Variants in DCHS1 observed in about 807,000 individuals in gnomAD.
DCHS1 encodes protocadherin-16.
DCHS1 carries 78 observed loss-of-function variants against 213.9 expected under a neutral mutation model. The ratio of observed to expected loss-of-function variants is 0.36; its 90% CI spans 0.30 to 0.44. The LOEUF (loss-of-function observed/expected upper bound fraction) is 0.44. Ranked by LOEUF, DCHS1 falls within the 20% of genes least tolerant of loss-of-function variation. The probability of loss-of-function intolerance (pLI) is 1.00; values close to 1 mark genes in which losing one functional copy is unlikely to be tolerated. For missense variants in DCHS1, 3,946 were observed against 4,395.9 expected (o/e 0.90, Z 2.89); for synonymous variants, 1,828 against 1,873.7 (o/e 0.98, Z 0.63).
In DCHS1 at chr11:6,632,704, C is replaced by T. The variant is rs1171491674; in HGVS notation, c.2808G>A (p.Gly936=). 2 of 1,593,060 alleles carry T rather than the reference C, an allele frequency of 1.3e-6. No individual in the cohort carries two copies. Among genetic ancestry groups the T allele is most frequent in the Non-Finnish European group, 1.7e-6 (2 of 1,169,480 alleles). The change falls in exon 6 of 21, where the codon GGG becomes GGA. Residue 936 remains glycine (G), a synonymous_variant. Transcript: ENST00000299441. The surrounding 1 kb of genome is among the most constrained non-coding windows in gnomAD (Gnocchi z 5.9). ...NSRVTFTLLA[G]GGGAFTVDPT... ...GGTCCACGGTGAAGGCTCCACCACCCCCAGCAAGCAGGGTAAAGGTGACTC... is the reference window on the plus strand; with the variant it reads ...GGTCCACGGTGAAGGCTCCACCACCTCCAGCAAGCAGGGTAAAGGTGACTC...
chr11:6,631,963 C>A, intron 6 of DCHS1, 68 bp downstream of exon 6: 1 of 1,470,732 alleles, frequency 6.8e-7, no homozygotes, highest in South Asian at 1.4e-5. Context: ...GGTTGGGGAT[C>A]CTGTCTGAAT....
Position 6,626,224 on chromosome 11 carries a change from G to C in DCHS1, c.6521C>G (p.Pro2174Arg). Residue 2174 changes from proline to arginine, a missense_variant, in exon 16 of 21, where the codon CCC (proline) becomes CGC (arginine). By Grantham distance (103) the Pro-to-Arg change is moderately radical. Coordinates refer to ENST00000299441, the MANE Select transcript of DCHS1 (RefSeq NM_003737.4). The surrounding 1 kb of genome is among the most constrained non-coding windows in gnomAD (Gnocchi z 5.2). ...ANDNAPRFLR[P>R]HYVAFLPESR... The stretch of plus-strand genomic sequence containing the variant: ...CTCAGGAAGGAAGGCCACATAATGG[G>C]GCCGCAGGAAACGGGGAGCATTGTC... 6.2e-7 allele frequency: 1 copy of C among 1,611,844 alleles called. No homozygotes were observed. The highest frequency in any genetic ancestry group is 8.5e-7 in the Non-Finnish European group (1 of 1,179,040).
At position 6,624,214 on chromosome 11, in the gene DCHS1, G is replaced by A. The variant is rs747489232; in HGVS notation, c.7462C>T (p.Arg2488Cys). The A allele has an allele frequency of 3.1e-5, 50 of 1,613,252 alleles. No homozygotes were observed. Among genetic ancestry groups the A allele is most frequent in the Non-Finnish European group, 3.9e-5 (46 of 1,179,754 alleles). The part of the protein sequence containing the change: ...HAPSFTLSHY[R>C]VAVTEDLPPG... ...GGCAGGTCTTCAGTCACAGCCACACGGTAGTGTGACAATGTGAAGCTCGGG... is the reference window on the plus strand; with the variant it reads ...GGCAGGTCTTCAGTCACAGCCACACAGTAGTGTGACAATGTGAAGCTCGGG... The change falls in exon 21 of 21, where the codon CGT becomes TGT. Residue 2488 changes from arginine to cysteine, a missense_variant. By Grantham distance (180) the Arg-to-Cys change is radical. Coordinates refer to ENST00000299441, the MANE Select transcript of DCHS1 (RefSeq NM_003737.4).
Position 6,633,053 on chromosome 11 carries a change from C to T in DCHS1, c.2459G>A (p.Arg820His), listed in dbSNP as rs149774310. The T allele has an allele frequency of 1.0e-4, 160 of 1,598,424 alleles. No individual in the cohort carries two copies. Among genetic ancestry groups the T allele is most frequent in the Middle Eastern group, 1.7e-4 (1 of 6,008 alleles). Residue 820 changes from arginine to histidine, a missense_variant, in exon 6 of 21, where the codon CGC (arginine) becomes CAC (histidine). Arg to His is a conservative substitution (Grantham distance 29). Transcript: ENST00000299441. ...GIVQAHNPPG[R>H]LAPVTLSLSG... ...TAGGGAAAGGGTCACAGGTGCCAAG[C>T]GACCTAGGGAGGATGAAAAAGGGAT...
At position 6,626,850 on chromosome 11, in the gene DCHS1, C is replaced by T. The variant is rs199748499; in HGVS notation, c.6189G>A (p.Glu2063=). The change falls in exon 14 of 21, where the codon GAG becomes GAA. Residue 2063 remains glutamate (E), a synonymous_variant. Transcript: ENST00000299441. The surrounding 1 kb of genome is among the most constrained non-coding windows in gnomAD (Gnocchi z 5.2). The part of the protein sequence containing the change: ...VIIVGLQGEA[E]RGPRFPRASS... ...TAGCCCGGGGAAAGCGGGGTCCACGCTCAGCTTCCCCCTGCAGTCCAACAA... is the reference window on the plus strand; with the variant it reads ...TAGCCCGGGGAAAGCGGGGTCCACGTTCAGCTTCCCCCTGCAGTCCAACAA... The T allele has an allele frequency of 1.9e-6, 3 of 1,613,466 alleles. No homozygotes were observed. Among genetic ancestry groups the T allele is most frequent in the Admixed American group, 1.7e-5 (1 of 60,024 alleles).
At chr11:6,647,951 AAGAAGACTTGG>A (rs1856189087) in intron 1 of DCHS1, among the ~76,000 whole-genome samples, 1 of 152,164 alleles carries the variant, frequency 6.6e-6, no homozygotes, top group Non-Finnish European at 1.5e-5. Flanking sequence ...AGGTGAAGGT[AAGAAGACTTGG>A]TCACTGACTC....
chr11:6,641,436 G>A lies in DCHS1; in HGVS notation c.178C>T (p.Leu60=), dbSNP rs1386142149. 6.2e-7 allele frequency: 1 copy of A among 1,611,098 alleles called. No homozygotes were observed. Among genetic ancestry groups the A allele is most frequent in the South Asian group, 1.1e-5 (1 of 90,688 alleles). Residue 60 remains leucine (L), a synonymous_variant, in exon 2 of 21, where the codon CTG becomes TTG. Transcript: ENST00000299441. This position sits in a 1 kb window ranked among gnomAD's most constrained non-coding sequence, Gnocchi z 7.1. ...QIDEEQPAGT[L]IGDISAGLPA... ...AGCCCCGCACTGATGTCGCCAATCA[G>A]TGTACCCGCTGGCTGCTCCTCATCA...
rs1589950719 is a variant in DCHS1, at chr11:6,621,374, T to C, written c.*405A>G. The C allele has an allele frequency of 6.1e-6, 2 of 327,136 alleles. No individual in the cohort carries two copies. The highest frequency in any genetic ancestry group is 1.5e-4 in the East Asian group (2 of 12,936). 20.3% of individuals were successfully genotyped at this position (327,136 alleles called of 1,614,324 possible). A position where few individuals can be genotyped will look rare whatever the true frequency, so the allele number is the denominator to read the frequency against. ...AGGCTCCAGAGTGAGAAATGGCACT[T>C]GGTTCTGGGCAGGGGCAGGGGCAGG... On this transcript the variant is annotated 3_prime_UTR_variant, in exon 21 of 21. Coordinates refer to ENST00000299441, the MANE Select transcript of DCHS1 (RefSeq NM_003737.4).
chr11:6,621,949 C>T lies in DCHS1; in HGVS notation c.9727G>A (p.Gly3243Ser). 1 of 1,613,522 alleles carries T rather than the reference C, an allele frequency of 6.2e-7. No homozygotes were observed. Among genetic ancestry groups the T allele is most frequent in the South Asian group, 1.1e-5 (1 of 91,040 alleles). The change falls in exon 21 of 21, where the codon GGC (glycine) becomes AGC (serine). Residue 3243 changes from glycine (G) to serine (S), a missense_variant. Physicochemically the swap from Gly to Ser is moderately conservative, Grantham distance 56. Around this residue, in one of 3 missense-constraint regions of DCHS1, gnomAD observed 554 missense variants for 590.2 expected, o/e 0.94. Coordinates refer to ENST00000299441, the MANE Select transcript of DCHS1 (RefSeq NM_003737.4). Reference sequence around the variant, plus strand: ...GACATGGCAGCTGAGGACAGGGAGCCTTCATGGCTGATGGGGGAGCGGTGA... The same window carrying T: ...GACATGGCAGCTGAGGACAGGGAGCTTTCATGGCTGATGGGGGAGCGGTGA... ...ASHRSPISHE[G>S]SLSSAAMSPS...
chr11:6,625,783 C>A lies in DCHS1; in HGVS notation c.6732-56G>T. On this transcript the variant is annotated intron_variant, in intron 17 of 20. Coordinates refer to ENST00000299441, the MANE Select transcript of DCHS1 (RefSeq NM_003737.4). The surrounding 1 kb of genome is among the most constrained non-coding windows in gnomAD (Gnocchi z 5.3). ...CATGGCAATAAGGGGGAACTCTGGGCAGGGCCAGGAGGACTCAGGACAGAG... is the reference window on the plus strand; with the variant it reads ...CATGGCAATAAGGGGGAACTCTGGGAAGGGCCAGGAGGACTCAGGACAGAG... The A allele has an allele frequency of 1.3e-6, 2 of 1,586,426 alleles. No homozygotes were observed. Among genetic ancestry groups the A allele is most frequent in the African/African-American group, 1.4e-5 (1 of 74,036 alleles).
At chr11:6,653,586 T>C (rs888112446) in intron 1 of DCHS1, among the ~76,000 whole-genome samples, 3 of 151,996 alleles carry the variant, frequency 2.0e-5, no homozygotes, top group Non-Finnish European at 4.4e-5. Flanking sequence ...GTGAAGAAAA[T>C]AGAAAAAAAA....
rs897183696 is a variant in DCHS1 at position 6,640,580 on chromosome 11, G to A, written c.1034C>T (p.Ser345Leu). The stretch of plus-strand genomic sequence containing the variant: ...TCGCACATGCACAGTCACAAAGGCC[G>A]AGCCCAGCTCAGGGTGAGCCCCACC... ...RDGGAHPELG[S>L]AFVTVHVRDA... The change falls in exon 2 of 21, where the codon TCG (serine) becomes TTG (leucine). Residue 345 changes from serine to leucine, a missense_variant. By Grantham distance (145) the Ser-to-Leu change is moderately radical (BLOSUM62 -2). Coordinates refer to ENST00000299441, the MANE Select transcript of DCHS1 (RefSeq NM_003737.4). The surrounding 1 kb of genome is among the most constrained non-coding windows in gnomAD (Gnocchi z 6.5). The A allele has an allele frequency of 9.9e-6, 16 of 1,608,542 alleles. No homozygotes were observed. Among genetic ancestry groups the A allele is most frequent in the South Asian group, 3.3e-5 (3 of 91,090 alleles).
In DCHS1 at chr11:6,634,248, G is replaced by A. The variant is rs1855957526; in HGVS notation, c.1856C>T (p.Ala619Val). 6.2e-7 allele frequency: 1 copy of A among 1,613,612 alleles called. No homozygotes were observed. Among genetic ancestry groups the A allele is most frequent in the Admixed American group, 1.7e-5 (1 of 59,962 alleles). ...PFGLLSYSLG[A>V]GLGSSGSPPF... is the part of the protein sequence containing the mutation. ...GGGAGATCCGGAGGACCCAAGTCCA[G>A]CACCCAAGGAATAGGAGAGGAGGCC... Residue 619 changes from alanine (A) to valine (V), a missense_variant, in exon 3 of 21, where the codon GCT (alanine) becomes GTT (valine). Transcript: ENST00000299441.
Position 6,631,139 on chromosome 11 carries a change from C to G in DCHS1, c.3844G>C (p.Ala1282Pro). The stretch of plus-strand genomic sequence containing the variant: ...GTCAGCACATAGTGGGGCCGCTCTG[C>G]TCGGATCAGGGGAGCTGCAGTGAGC... ...ELLTAAPLIRAERPHYVLTLS... is the reference protein window; with the variant it reads ...ELLTAAPLIRPERPHYVLTLS... The change falls in exon 9 of 21, where the codon GCA becomes CCA. Residue 1282 changes from alanine to proline, a missense_variant. Physicochemically the swap from Ala to Pro is conservative, Grantham distance 27. Around this residue, in one of 3 missense-constraint regions of DCHS1, gnomAD observed 3,384 missense variants for 3,780.1 expected, o/e 0.90. Transcript: ENST00000299441. The G allele has an allele frequency of 6.2e-7, 1 of 1,613,470 alleles. No individual in the cohort carries two copies. The highest frequency in any genetic ancestry group is 8.5e-7 in the Non-Finnish European group (1 of 1,179,582).
intron 1 of DCHS1, among the ~76,000 whole-genome samples, chr11:6,653,913 G>A (rs749154030): frequency 6.6e-6 from 1 of 152,160 alleles, no homozygotes; most frequent in South Asian, 2.1e-4. Flanking sequence ...GGATATAGGA[G>A]GTTGTGGGTA....
chr11:6,634,112 A>T lies in DCHS1; in HGVS notation c.1986+6T>A, dbSNP rs1564866484. The T allele has an allele frequency of 1.2e-6, 2 of 1,601,728 alleles. No homozygotes were observed. Among genetic ancestry groups the T allele is most frequent in the Non-Finnish European group, 1.7e-6 (2 of 1,172,404 alleles). ...ATCCCAACCTGCCCTTGGTCTACTGACTTACCCCATCCACAGCTGTCACTG... is the reference window on the plus strand; with the variant it reads ...ATCCCAACCTGCCCTTGGTCTACTGTCTTACCCCATCCACAGCTGTCACTG... On this transcript the variant is annotated splice_donor_region_variant and intron_variant, in intron 3 of 20. Coordinates refer to ENST00000299441, the MANE Select transcript of DCHS1 (RefSeq NM_003737.4).
In DCHS1 at chr11:6,625,854, TC is replaced by T; in HGVS notation, c.6731+65del. The T allele has an allele frequency of 1.9e-6, 3 of 1,593,762 alleles. No individual in the cohort carries two copies. The highest frequency in any genetic ancestry group is 2.6e-6 in the Non-Finnish European group (3 of 1,170,030). ...GATGTGGCCAAGGGACCAGATGAGT[TC>T]AAGGCAGGGCTTGAAACTGGACAGG... is the stretch of plus-strand genomic sequence containing the variant. On this transcript the variant is annotated intron_variant, in intron 17 of 20. Transcript: ENST00000299441. This position sits in a 1 kb window ranked among gnomAD's most constrained non-coding sequence, Gnocchi z 5.3.
In DCHS1 at chr11:6,646,026, C is replaced by T. The variant is rs545298482; in HGVS notation, c.-120-4293G>A. On this transcript the variant is annotated intron_variant, in intron 1 of 20. Coordinates refer to ENST00000299441, the MANE Select transcript of DCHS1 (RefSeq NM_003737.4). The stretch of plus-strand genomic sequence containing the variant: ...CCTTCACATGGAACCCACCCCCACA[C>T]GTATGCAGGCATACATACACACACA... Among the ~76,000 whole-genome samples, 76 of 152,200 alleles carry T rather than the reference C, an allele frequency of 5.0e-4. 2 individuals carry two copies. The South Asian group carries it at 0.015, about 30-fold the overall frequency.
chr11:6,655,657 C>T lies in DCHS1; in HGVS notation c.-215G>A. 1 of 978,936 alleles carries T rather than the reference C, an allele frequency of 1.0e-6. No homozygotes were observed. The highest frequency in any genetic ancestry group is 4.7e-5 in the South Asian group (1 of 21,242). The allele number at this position is 978,936 out of a possible 1,614,324, so 60.6% of individuals were successfully genotyped here. ...CGCCCGCTCGCGCGGGGCCTGAGGC[C>T]GCGCATCGTCCGCAGTCGCTGTCTC... is the stretch of plus-strand genomic sequence containing the variant. On this transcript the variant is annotated 5_prime_UTR_variant, in exon 1 of 21. Transcript: ENST00000299441.
Sources: allele counts gnomAD v4.1 joint callset (sites outside exome capture counted in the v4.1 genomes callset), GRCh38; gene constraint gnomAD v4.1.1; regional missense constraint gnomAD v4.1.1; non-coding constraint Gnocchi (gnomAD v3.1); transcripts MANE v1.5; gene names NCBI Gene and HGNC (gene_info 2026-07-23, HGNC 2026-07-21).